Variants in SRGAP3 observed in about 807,000 individuals in gnomAD.
The protein encoded by SRGAP3 is SLIT-ROBO Rho GTPase activating protein 3.
A neutral mutation model predicts 121.1 loss-of-function variants in SRGAP3; 39 were observed. The observed-to-expected ratio is 0.32, with a 90% CI of 0.25 to 0.42. The LOEUF is 0.42. SRGAP3 is among the 10% of genes least tolerant of loss of function. SRGAP3 has a pLI of 1.00. For synonymous variants in SRGAP3, 601 were observed against 570.0 expected, an observed-to-expected ratio of 1.05 and a Z score of -0.77; for missense variants, 1,213 against 1,470.6, an observed-to-expected ratio of 0.82 and a Z score of 2.86.
At chr3:9,250,305 T>A (rs1302265562), upstream of SRGAP3, among the ~76,000 whole-genome samples, 1 of 152,200 alleles carries the variant, frequency 6.6e-6, no homozygotes, top group African/African-American at 2.4e-5. Context: ...TGATCAGAAC[T>A]GGCACACACA....
At chr3:9,310,305 G>A (rs540582800) in intron 3 of SRGAP3, among the ~76,000 whole-genome samples, 103 of 152,222 alleles carry the variant, frequency 6.8e-4, no homozygotes, top group Non-Finnish European at 1.1e-3. Flanking sequence ...GATGCTTATT[G>A]GTGCTTTTCC....
chr3:9,354,841 A>G (rs2648542), intron 1 of SRGAP3, among the ~76,000 whole-genome samples: 72,401 of 151,590 alleles, frequency 0.48, 18,637 homozygotes, highest in South Asian at 0.71. Context: ...TTTACTCTTT[A>G]GTTTAATATA....
chr3:9,282,988 G>A (rs995355742), intron 3 of SRGAP3, among the ~76,000 whole-genome samples: 2 of 151,744 alleles, frequency 1.3e-5, no homozygotes, highest in African/African-American at 4.8e-5. Flanking sequence ...TCAGGCTGGA[G>A]TGCAATGGCA....
chr3:9,213,506 T>C (rs1952514274), intron 1 of SRGAP3, among the ~76,000 whole-genome samples: 1 of 152,118 alleles, frequency 6.6e-6, no homozygotes, highest in African/African-American at 2.4e-5. Context: ...CTAAGAGTGG[T>C]TTCATCTGTG....
chr3:9,122,913 G>T (rs1949068471), intron 2 of SRGAP3, among the ~76,000 whole-genome samples: 1 of 152,034 alleles, frequency 6.6e-6, no homozygotes, highest in Admixed American at 6.6e-5. Context: ...CAAAAAATGT[G>T]GACAGGAAGG....
chr3:9,005,529 T>C (rs1027332235), intron 18 of SRGAP3, among the ~76,000 whole-genome samples: 7 of 152,156 alleles, frequency 4.6e-5, no homozygotes, highest in Non-Finnish European at 7.3e-5. Context: ...AACCCAAATG[T>C]CCATCAATTG....
At chr3:9,167,468 C>A (rs1560319618) in intron 1 of SRGAP3, among the ~76,000 whole-genome samples, 2 of 152,208 alleles carry the variant, frequency 1.3e-5, no homozygotes, top group African/African-American at 4.8e-5. Context: ...CAGGCCTATG[C>A]CTCACTTTGC....
At chr3:9,159,259 CT>C (rs1187840104) in intron 1 of SRGAP3, among the ~76,000 whole-genome samples, 2 of 152,138 alleles carry the variant, frequency 1.3e-5, no homozygotes, top group East Asian at 3.9e-4. Context: ...GCTTGTCAGT[CT>C]GTGTAGATCC....
chr3:9,087,362 G>C (rs1947549218), intron 3 of SRGAP3, among the ~76,000 whole-genome samples: 1 of 151,944 alleles, frequency 6.6e-6, no homozygotes, highest in Non-Finnish European at 1.5e-5. Context: ...ACAAGGCTAG[G>C]AAGTTGCCCA....
rs763550952 is a variant in SRGAP3 at position 9,064,391 on chromosome 3, C to G, written c.672+5G>C. 1 of 1,614,250 alleles carries G rather than the reference C, an allele frequency of 6.2e-7. No individual in the cohort carries two copies. Among genetic ancestry groups the G allele is most frequent in the South Asian group, 1.1e-5 (1 of 91,082 alleles). On this transcript the variant is annotated splice_donor_5th_base_variant and intron_variant, in intron 5 of 21. Coordinates refer to ENST00000383836, the MANE Select transcript of SRGAP3 (RefSeq NM_014850.4). The stretch of plus-strand genomic sequence containing the variant: ...AATCGCTCCCAGCCCAGGGCCCCCA[C>G]TCACCTTCTCCTTCATCTTCTCAAT...
intron 1 of SRGAP3, among the ~76,000 whole-genome samples, chr3:9,176,811 CA>C (rs1394454378): frequency 1.3e-5 from 2 of 152,162 alleles, no homozygotes; most frequent in African/African-American, 4.8e-5. Context: ...CTAAGCCATT[CA>C]AGAGGGATTC....
intron 1 of SRGAP3, among the ~76,000 whole-genome samples, chr3:9,183,037 C>T (rs891914396): frequency 1.3e-5 from 2 of 151,920 alleles, no homozygotes; most frequent in African/African-American, 4.8e-5. Flanking sequence ...TCTGGGGAAA[C>T]ATTCTTCTGT....
intron 5 of SRGAP3, among the ~76,000 whole-genome samples, chr3:9,061,335 C>T (rs1284815792): frequency 6.6e-6 from 1 of 152,200 alleles, no homozygotes; most frequent in Admixed American, 6.5e-5. Flanking sequence ...ATCCACTTCT[C>T]AAGCTCCACC....
intron 1 of SRGAP3, among the ~76,000 whole-genome samples, chr3:9,199,540 C>T (rs1202109982): frequency 6.6e-6 from 1 of 152,178 alleles, no homozygotes; most frequent in African/African-American, 2.4e-5. Context: ...CTCCAGAGGC[C>T]TCATTTCTAA....
intron 4 of SRGAP3, among the ~76,000 whole-genome samples, chr3:9,073,914 A>G (rs950883541): frequency 1.3e-5 from 2 of 152,250 alleles, no homozygotes; most frequent in Non-Finnish European, 2.9e-5. Context: ...CTGGACACTA[A>G]TAACCTAGTA....
At chr3:9,122,022 T>G (rs6443225) in intron 2 of SRGAP3, among the ~76,000 whole-genome samples, 68,559 of 151,746 alleles carry the variant, frequency 0.45, 15,662 homozygotes, top group Middle Eastern at 0.54. Flanking sequence ...AAAGGTTCAA[T>G]TCTGTCTCTT....
chr3:9,237,743 G>A (rs367972357), intron 1 of SRGAP3, among the ~76,000 whole-genome samples: 1 of 152,196 alleles, frequency 6.6e-6, no homozygotes, highest in Non-Finnish European at 1.5e-5. Flanking sequence ...AGTGACCAGG[G>A]GAGGGAAAGA....
At chr3:9,345,594 G>A (rs1955872318) in intron 1 of SRGAP3, among the ~76,000 whole-genome samples, 1 of 151,874 alleles carries the variant, frequency 6.6e-6, no homozygotes, top group South Asian at 2.1e-4. Context: ...ACCAGCCATA[G>A]CCAACATGGT....
At chr3:8,997,621 T>C (rs1397890275) in intron 18 of SRGAP3, among the ~76,000 whole-genome samples, 1 of 152,196 alleles carries the variant, frequency 6.6e-6, no homozygotes, top group Non-Finnish European at 1.5e-5. Context: ...CAATCTGCTC[T>C]TGCCTCACTA....
Sources: gnomAD v4.1 joint callset for allele counts (sites outside exome capture counted in the v4.1 genomes callset) on GRCh38, gnomAD v4.1.1 for gene constraint, MANE v1.5 for transcripts, NCBI Gene and HGNC (gene_info 2026-07-23, HGNC 2026-07-21) for gene names.